PPM1L: variants seen among roughly 807,000 people sequenced by gnomAD.
PPM1L encodes protein phosphatase 1L.
A neutral mutation model predicts 31.4 loss-of-function variants in PPM1L; 13 were observed. That is an observed-to-expected ratio of 0.41 (90% CI 0.27 to 0.66). PPM1L has a LOEUF of 0.66. PPM1L is among the 30% of genes least tolerant of loss of function. The probability of loss-of-function intolerance (pLI) is 0.29; values close to 1 mark genes in which losing one functional copy is unlikely to be tolerated. For synonymous variants in PPM1L, 184 were observed against 175.4 expected, an observed-to-expected ratio of 1.05 and a Z score of -0.39; for missense variants, 326 against 453.7, an observed-to-expected ratio of 0.72 and a Z score of 2.56.
At chr3:160,831,807 G>T (rs761525096) in intron 1 of PPM1L, among the ~76,000 whole-genome samples, 2 of 152,182 alleles carry the variant, frequency 1.3e-5, no homozygotes, top group Non-Finnish European at 2.9e-5. Flanking sequence ...AGCTCTCTGA[G>T]ATTTGGTTTT....
intron 1 of PPM1L, among the ~76,000 whole-genome samples, chr3:160,791,210 A>G (rs1255228677): frequency 6.6e-6 from 1 of 152,192 alleles, no homozygotes; most frequent in Non-Finnish European, 1.5e-5. Flanking sequence ...TAAAATGAAC[A>G]GTGGGTTTAT....
At chr3:160,896,299 A>G (rs1713333006) in intron 1 of PPM1L, among the ~76,000 whole-genome samples, 1 of 152,182 alleles carries the variant, frequency 6.6e-6, no homozygotes. Context: ...TGAAAACAGT[A>G]GCATTTTAGA....
At chr3:160,790,652 C>T (rs1283190322) in intron 1 of PPM1L, among the ~76,000 whole-genome samples, 2 of 152,058 alleles carry the variant, frequency 1.3e-5, no homozygotes, top group Non-Finnish European at 2.9e-5. Flanking sequence ...GAAAACTTGA[C>T]TTGCTGAGGT....
intron 2 of PPM1L, among the ~76,000 whole-genome samples, chr3:161,012,213 T>A (rs995365776): frequency 1.3e-5 from 2 of 152,082 alleles, no homozygotes; most frequent in Non-Finnish European, 2.9e-5. Context: ...ATTTATTGAG[T>A]GTTTGTAGCA....
intron 1 of PPM1L, among the ~76,000 whole-genome samples, chr3:160,936,418 C>T (rs1031532628): frequency 3.3e-5 from 5 of 152,038 alleles, no homozygotes; most frequent in African/African-American, 1.2e-4. Context: ...AATTTCTTGA[C>T]ATTATTTTAA....
intron 2 of PPM1L, among the ~76,000 whole-genome samples, chr3:161,006,960 G>A (rs538254157): frequency 6.6e-6 from 1 of 152,294 alleles, no homozygotes; most frequent in South Asian, 2.1e-4. Context: ...GGGATTATAG[G>A]CGTGAGCCAC....
Position 160,756,790 on chromosome 3 carries a change from T to TGTGTG in PPM1L, c.399+83_399+84insGTGTG. 7.3e-7 allele frequency: 1 copy of TGTGTG among 1,361,820 alleles called. No individual in the cohort carries two copies. Among genetic ancestry groups the TGTGTG allele is most frequent in the Non-Finnish European group, 9.9e-7 (1 of 1,005,044 alleles). The allele number at this position is 1,361,820 out of a possible 1,614,324, so 84.4% of individuals were successfully genotyped here. ...GTGTGTGTGTGTGTGTGTGTGTGTG[T>TGTGTG]ATAAACAACAGGACAGCGTGTGCGC... On this transcript the variant is annotated intron_variant, in intron 1 of 3. Transcript: ENST00000498165. This position sits in a 1 kb window ranked among gnomAD's most constrained non-coding sequence, Gnocchi z 6.2.
chr3:161,032,692 C>CTT lies in PPM1L; in HGVS notation c.575-32697_575-32696dup, dbSNP rs35384021. On this transcript the variant is annotated intron_variant, in intron 2 of 3. Transcript: ENST00000498165. ...TACAGTGCCTCAGTACAGAGAAGTC[C>CTT]TTTTTTTTTTTTTTTGAGAGATAAG... Among the ~76,000 whole-genome samples, 553 of 139,372 alleles carry CTT rather than the reference C, an allele frequency of 4.0e-3. 5 individuals carry two copies. The highest frequency in any genetic ancestry group is 0.012 in the African/African-American group (468 of 37,656). The allele number at this position is 139,372 out of a possible 152,430, so 91.4% of individuals were successfully genotyped here.
intron 1 of PPM1L, among the ~76,000 whole-genome samples, chr3:160,800,461 A>G (rs1346302741): frequency 9.2e-5 from 14 of 152,288 alleles, no homozygotes; most frequent in East Asian, 1.9e-4. Flanking sequence ...TTGAAAATAC[A>G]TGATATATTG....
chr3:160,925,145 CTTG>C (rs1277512246), intron 1 of PPM1L, among the ~76,000 whole-genome samples: 1 of 152,196 alleles, frequency 6.6e-6, no homozygotes, highest in African/African-American at 2.4e-5. Context: ...ATGGAAACTG[CTTG>C]TTGTTATCAA....
chr3:160,978,150 C>T (rs1716665374), intron 2 of PPM1L, among the ~76,000 whole-genome samples: 2 of 152,166 alleles, frequency 1.3e-5, no homozygotes, highest in Admixed American at 6.5e-5. Context: ...GCCCAGGTAC[C>T]TTCTAAGGTA....
chr3:160,760,365 GAT>G (rs1184572236), intron 1 of PPM1L, among the ~76,000 whole-genome samples: 1 of 152,124 alleles, frequency 6.6e-6, no homozygotes, highest in African/African-American at 2.4e-5. Context: ...CTTCGGCAAA[GAT>G]ATGTCTCTGG....
intron 1 of PPM1L, among the ~76,000 whole-genome samples, chr3:160,926,718 A>T (rs531728308): frequency 6.6e-6 from 1 of 152,190 alleles, no homozygotes; most frequent in African/African-American, 2.4e-5. Flanking sequence ...TGAATATGCT[A>T]TGCCAGTGGT....
chr3:161,040,826 A>G (rs1336381303), intron 2 of PPM1L, among the ~76,000 whole-genome samples: 1 of 152,222 alleles, frequency 6.6e-6, no homozygotes, highest in Non-Finnish European at 1.5e-5. Flanking sequence ...TGACTCTGGC[A>G]TAACATTACA....
intron 2 of PPM1L, among the ~76,000 whole-genome samples, chr3:161,026,927 G>C (rs1470448132): frequency 6.6e-6 from 1 of 152,152 alleles, no homozygotes; most frequent in African/African-American, 2.4e-5. Context: ...AAGAAGGGCA[G>C]TGAGTACACT....
At chr3:160,988,271 A>G (rs1041477792) in intron 2 of PPM1L, among the ~76,000 whole-genome samples, 3 of 152,206 alleles carry the variant, frequency 2.0e-5, no homozygotes, top group African/African-American at 7.2e-5. Context: ...GAGGTCTGCA[A>G]ACATTCAGGT....
chr3:160,927,359 A>T lies in PPM1L; in HGVS notation c.400-34377A>T, dbSNP rs537904088. Reference sequence around the variant, plus strand: ...TTTAATACATGCTGTGGATATTTTTAAAATAGGGAGCAATCATAAAATCAT... The same window carrying T: ...TTTAATACATGCTGTGGATATTTTTTAAATAGGGAGCAATCATAAAATCAT... On this transcript the variant is annotated intron_variant, in intron 1 of 3. Coordinates refer to ENST00000498165, the MANE Select transcript of PPM1L (RefSeq NM_139245.4). Among the ~76,000 whole-genome samples the T allele has an allele frequency of 8.5e-5, 13 of 152,318 alleles. No individual in the cohort carries two copies. In the East Asian group the frequency reaches 2.5e-3, roughly 29 times the overall value.
chr3:161,000,168 G>A (rs917717979), intron 2 of PPM1L, among the ~76,000 whole-genome samples: 1 of 152,196 alleles, frequency 6.6e-6, no homozygotes, highest in Non-Finnish European at 1.5e-5. Flanking sequence ...GTTTAAGATG[G>A]TACAACATTC....
intron 1 of PPM1L, among the ~76,000 whole-genome samples, chr3:160,903,193 G>GTGTGTGTGGTGTGT (rs1553819620): frequency 8.1e-6 from 1 of 124,104 alleles, no homozygotes; most frequent in Non-Finnish European, 1.8e-5. Context: ...GTGTGTGTGT[G>GTGTGTGTGGTGTGT]GTATGTGTGT....
Sources: allele counts gnomAD v4.1 joint callset (sites outside exome capture counted in the v4.1 genomes callset), GRCh38; gene constraint gnomAD v4.1.1; non-coding constraint Gnocchi (gnomAD v3.1); transcripts MANE v1.5; gene names NCBI Gene and HGNC (gene_info 2026-07-23, HGNC 2026-07-21).